The following XRCC5 variants were observed in gnomAD, a reference collection of about 807,000 sequenced individuals.
The protein encoded by XRCC5 is DNA repair protein Ku80.
Under a neutral mutation model 95.7 loss-of-function variants are expected in XRCC5, and 12 were observed. The ratio of observed to expected loss-of-function variants is 0.13; its 90% CI spans 0.08 to 0.20. XRCC5 has a LOEUF of 0.20. XRCC5 is among the 10% of genes least tolerant of loss of function. The pLI is 1.00. For missense variants in XRCC5, 595 were observed against 873.9 expected (o/e 0.68, Z 4.02); for synonymous variants, 281 against 290.3 (o/e 0.97, Z 0.33).
chr2:216,167,567 GGTTT>G (rs1205446747), intron 16 of XRCC5, among the ~76,000 whole-genome samples: 2 of 86,494 alleles, frequency 2.3e-5, no homozygotes, highest in African/African-American at 4.4e-5. Context: ...TGTGTGTGTG[GGTTT>G]GTGTGTGTGT....
intron 16 of XRCC5, among the ~76,000 whole-genome samples, chr2:216,166,149 CTCAG>C: frequency 6.6e-6 from 1 of 152,092 alleles, no homozygotes; most frequent in African/African-American, 2.4e-5. Flanking sequence ...GTGAAGGGGT[CTCAG>C]TCTGTCGCCC....
At chr2:216,161,942 A>G in intron 15 of XRCC5, 37 bp from the exon 16 acceptor site, 6 of 1,591,214 alleles carry the variant, frequency 3.8e-6, no homozygotes, top group South Asian at 1.1e-5. Flanking sequence ...AAAAAGAGAA[A>G]TAACCTGTAG....
At chr2:216,191,650 A>G (rs1192743457) in intron 17 of XRCC5, among the ~76,000 whole-genome samples, 2 of 152,170 alleles carry the variant, frequency 1.3e-5, no homozygotes, top group Non-Finnish European at 2.9e-5. Context: ...ACCACAGGTT[A>G]TTCGCCCACC....
At chr2:216,204,060 CA>C (rs1559266638) in intron 19 of XRCC5, 1 of 470,818 alleles carries the variant, frequency 2.1e-6, no homozygotes. Context: ...ACTGTCTCGA[CA>C]AGCCATGTTC....
rs543338716 is a variant in XRCC5 at position 216,196,084 on chromosome 2, C to T, written c.2109+1098C>T. On this transcript the variant is annotated intron_variant, in intron 19 of 20. Transcript: ENST00000392132. Reference sequence around the variant, plus strand: ...AAAGCTGGAAATGTTAATCAGATGGCTAAATTCAGGCCAAAATTTAAATAT... The same window carrying T: ...AAAGCTGGAAATGTTAATCAGATGGTTAAATTCAGGCCAAAATTTAAATAT... Among the ~76,000 whole-genome samples the T allele has an allele frequency of 1.2e-4, 18 of 152,248 alleles. 1 individual carries two copies. The highest frequency in any genetic ancestry group is 4.1e-4 in the African/African-American group (17 of 41,530).
intron 16 of XRCC5, chr2:216,175,463 C>T: frequency 5.8e-6 from 3 of 513,584 alleles, no homozygotes; most frequent in Non-Finnish European, 1.2e-5. Flanking sequence ...TACAGTTGTG[C>T]TTGTTAATAG....
intron 14 of XRCC5, among the ~76,000 whole-genome samples, chr2:216,151,105 A>G (rs960556115): frequency 6.6e-6 from 1 of 152,172 alleles, no homozygotes; most frequent in African/African-American, 2.4e-5. Context: ...TAATAGTATC[A>G]TTATCTATAA....
intron 8 of XRCC5, chr2:216,127,878 G>A (rs1696922019): frequency 2.8e-6 from 1 of 357,454 alleles, no homozygotes; most frequent in East Asian, 4.9e-5. Flanking sequence ...GTACACTTGG[G>A]TGTTCCATCT....
intron 16 of XRCC5, among the ~76,000 whole-genome samples, chr2:216,167,101 G>A (rs1451637322): frequency 1.3e-5 from 2 of 152,132 alleles, no homozygotes; most frequent in Non-Finnish European, 1.5e-5. Context: ...GTCAAGAGAA[G>A]ACCTAAGTAG....
At chr2:216,154,994 A>T (rs1442167943) in intron 14 of XRCC5, among the ~76,000 whole-genome samples, 1 of 152,062 alleles carries the variant, frequency 6.6e-6, no homozygotes, top group Non-Finnish European at 1.5e-5. Flanking sequence ...TTCACAACAC[A>T]TCAATAACCA....
chr2:216,156,857 C>T (rs145742600), intron 14 of XRCC5: 22 of 367,680 alleles, frequency 6.0e-5, no homozygotes, highest in African/African-American at 1.3e-4. Flanking sequence ...CAGTGGGTGC[C>T]GCAAATGCTG....
chr2:216,116,509 G>GT lies in XRCC5; in HGVS notation c.136-149dup. 3.8e-6 allele frequency: 3 copies of GT among 779,714 alleles called. No homozygotes were observed. The South Asian group carries it at 4.7e-5, about 12-fold the overall frequency. 48.3% of individuals were successfully genotyped at this position (779,714 alleles called of 1,614,324 possible). On this transcript the variant is annotated intron_variant, in intron 2 of 20. Transcript: ENST00000392132. The stretch of plus-strand genomic sequence containing the variant: ...CAGAACCTAAGAATTGTCATTGTCT[G>GT]TAAGTCTCATGTTTCATCCCGCCCA...
chr2:216,194,266 T>G (rs1189469080), intron 18 of XRCC5, among the ~76,000 whole-genome samples: 1 of 152,232 alleles, frequency 6.6e-6, no homozygotes, highest in Non-Finnish European at 1.5e-5. Context: ...ATTATTTAAG[T>G]ACCTACTTTT....
intron 1 of XRCC5, among the ~76,000 whole-genome samples, 156 bp downstream of exon 1, chr2:216,109,613 G>A (rs1696548323): frequency 6.6e-6 from 1 of 152,180 alleles, no homozygotes. Flanking sequence ...ACCGAGGGAT[G>A]CGCTATGAGA....
At chr2:216,138,236 C>A in intron 12 of XRCC5, 57 bp downstream of exon 12, 2 of 1,485,802 alleles carry the variant, frequency 1.3e-6, no homozygotes, top group South Asian at 1.1e-5. Flanking sequence ...CTTGGGAAAT[C>A]ACCTGTCTGC....
chr2:216,145,014 G>A (rs546981607), intron 13 of XRCC5, among the ~76,000 whole-genome samples: 1 of 152,336 alleles, frequency 6.6e-6, no homozygotes, highest in South Asian at 2.1e-4. Flanking sequence ...GGAAAGGAAG[G>A]AATCGCAAGT....
At chr2:216,178,686 G>C (rs1689323082) in intron 16 of XRCC5, among the ~76,000 whole-genome samples, 1 of 152,164 alleles carries the variant, frequency 6.6e-6, no homozygotes, top group Non-Finnish European at 1.5e-5. Flanking sequence ...TATATAGCAT[G>C]TTATTCTTTC....
Position 216,180,736 on chromosome 2 carries a change from C to G in XRCC5, c.1835-9489C>G, listed in dbSNP as rs115541932. Among the ~76,000 whole-genome samples the G allele has an allele frequency of 5.4e-3, 813 of 151,644 alleles. 6 individuals are homozygous for G. Among genetic ancestry groups the G allele is most frequent in the African/African-American group, 0.019 (774 of 41,320 alleles). On this transcript the variant is annotated intron_variant, in intron 16 of 20. Transcript: ENST00000392132. ...AGGAAGGCAACCACCTAAGTGATGGCGTGTCCTGATGTTATTAATGGGACT... is the reference window on the plus strand; with the variant it reads ...AGGAAGGCAACCACCTAAGTGATGGGGTGTCCTGATGTTATTAATGGGACT...
At chr2:216,125,419 GCTCCCGACCTC>G (rs1696885709) in intron 6 of XRCC5, among the ~76,000 whole-genome samples, 1 of 151,956 alleles carries the variant, frequency 6.6e-6, no homozygotes, top group Admixed American at 6.6e-5. Context: ...CTGATCTTGA[GCTCCCGACCTC>G]AGGTGATCCG....
Sources: allele counts gnomAD v4.1 joint callset (sites outside exome capture counted in the v4.1 genomes callset), GRCh38; gene constraint gnomAD v4.1.1; transcripts MANE v1.5; gene names NCBI Gene and HGNC (gene_info 2026-07-23, HGNC 2026-07-21).